LRRC7: variants seen among roughly 807,000 people sequenced by gnomAD.
LRRC7 encodes the protein leucine rich repeat containing 7.
A neutral mutation model predicts 175.7 loss-of-function variants in LRRC7; 23 were observed. The observed-to-expected ratio is 0.13, with a 90% CI of 0.09 to 0.19. The LOEUF (loss-of-function observed/expected upper bound fraction) is 0.19, where lower values mean the gene tolerates loss of function less well. Among genes scored for constraint, LRRC7 ranks in the 10% least tolerant of loss-of-function variants. The probability of loss-of-function intolerance (pLI) is 1.00; values close to 1 mark genes in which losing one functional copy is unlikely to be tolerated. For missense variants in LRRC7, 1,354 were observed against 1,904.7 expected (o/e 0.71, Z 5.38); for synonymous variants, 685 against 680.9 (o/e 1.01, Z -0.09).
intron 8 of LRRC7, among the ~76,000 whole-genome samples, chr1:69,960,302 G>T (rs1020847366): frequency 6.6e-6 from 1 of 152,032 alleles, no homozygotes; most frequent in African/African-American, 2.4e-5. Flanking sequence ...ATGGTTGTTT[G>T]TATTTCTGTG....
At chr1:69,798,352 A>G (rs1322591494) in intron 4 of LRRC7, among the ~76,000 whole-genome samples, 1 of 152,012 alleles carries the variant, frequency 6.6e-6, no homozygotes, top group Non-Finnish European at 1.5e-5. Flanking sequence ...TACCTGGTTC[A>G]ATCGTACTTA....
chr1:70,073,548 A>G (rs1332807541), intron 23 of LRRC7, among the ~76,000 whole-genome samples: 2 of 152,214 alleles, frequency 1.3e-5, no homozygotes, highest in Non-Finnish European at 2.9e-5. Flanking sequence ...CTAGTACTAC[A>G]ATACTCTAAT....
At chr1:69,620,551 A>T (rs1459765152) in intron 1 of LRRC7, among the ~76,000 whole-genome samples, 1 of 152,194 alleles carries the variant, frequency 6.6e-6, no homozygotes, top group Non-Finnish European at 1.5e-5. Context: ...CTTCAGTCAG[A>T]CAGCTACATC....
chr1:70,007,068 C>T (rs888853449), intron 11 of LRRC7, among the ~76,000 whole-genome samples: 1 of 152,074 alleles, frequency 6.6e-6, no homozygotes, highest in Non-Finnish European at 1.5e-5. Context: ...TGGATCACAT[C>T]ATTGCCCATT....
chr1:69,639,640 A>G (rs1277687196), intron 1 of LRRC7, among the ~76,000 whole-genome samples: 1 of 151,826 alleles, frequency 6.6e-6, no homozygotes, highest in Non-Finnish European at 1.5e-5. Context: ...TTAATGCTTT[A>G]GGAGTTAGAT....
At chr1:69,887,438 G>A (rs11209570) in intron 7 of LRRC7, among the ~76,000 whole-genome samples, 12,338 of 134,394 alleles carry the variant, frequency 0.092, 765 homozygotes, top group African/African-American at 0.2. Flanking sequence ...CATTCTTCAC[G>A]TAGTTCTCGA....
At chr1:70,068,787 G>A (rs1334869400) in intron 23 of LRRC7, among the ~76,000 whole-genome samples, 1 of 152,042 alleles carries the variant, frequency 6.6e-6, no homozygotes, top group Non-Finnish European at 1.5e-5. Flanking sequence ...TACAATCATA[G>A]CTCACTGTAC....
chr1:70,016,006 C>T (rs1335220598), intron 13 of LRRC7, among the ~76,000 whole-genome samples: 2 of 152,042 alleles, frequency 1.3e-5, no homozygotes, highest in Non-Finnish European at 2.9e-5. Flanking sequence ...TGCTTTGAAA[C>T]CAGATTGAGG....
rs1375255605 is a variant in LRRC7, at chr1:70,141,396, A to ATGAT, written c.*19510_*19513dup. 1 of 152,154 alleles carries ATGAT rather than the reference A, an allele frequency of 6.6e-6. No individual in the cohort carries two copies. Among genetic ancestry groups the ATGAT allele is most frequent in the Non-Finnish European group, 1.5e-5 (1 of 68,004 alleles). The allele number at this position is 152,154 out of a possible 1,614,324, so 9.4% of individuals were successfully genotyped here. Reference sequence around the variant, plus strand: ...TGCAAATAATGTTTCTCTTAATAAAATGATATATTTTGTTTTGAACTTTGG... The same window carrying ATGAT: ...TGCAAATAATGTTTCTCTTAATAAAATGATTGATATATTTTGTTTTGAACTTTGG... On this transcript the variant is annotated 3_prime_UTR_variant, in exon 27 of 27. Coordinates refer to ENST00000651989, the MANE Select transcript of LRRC7 (RefSeq NM_001370785.2).
intron 2 of LRRC7, among the ~76,000 whole-genome samples, chr1:69,723,650 G>C (rs1461212226): frequency 6.6e-6 from 1 of 151,940 alleles, no homozygotes; most frequent in Non-Finnish European, 1.5e-5. Flanking sequence ...AGTCCTTTTG[G>C]GTTGTTATAA....
chr1:69,823,846 C>T (rs549608210), intron 4 of LRRC7, among the ~76,000 whole-genome samples: 27 of 152,196 alleles, frequency 1.8e-4, no homozygotes, highest in Non-Finnish European at 2.9e-4. Context: ...TAAAACCATT[C>T]ATATAATCAC....
intron 2 of LRRC7, among the ~76,000 whole-genome samples, chr1:69,715,472 A>G (rs748357700): frequency 2.0e-5 from 3 of 152,064 alleles, no homozygotes; most frequent in Non-Finnish European, 4.4e-5. Flanking sequence ...TAATATGTTT[A>G]TCTCCATCAG....
chr1:70,112,609 CACAA>C (rs915136677), intron 26 of LRRC7, among the ~76,000 whole-genome samples: 6 of 152,098 alleles, frequency 3.9e-5, no homozygotes, highest in African/African-American at 1.4e-4. Context: ...GATGGCCACT[CACAA>C]ACAAAAGTAC....
chr1:70,117,158 CT>C (rs1232105184), intron 26 of LRRC7, among the ~76,000 whole-genome samples: 1 of 152,088 alleles, frequency 6.6e-6, no homozygotes, highest in African/African-American at 2.4e-5. Flanking sequence ...AAGCTGATTT[CT>C]TTTTTTGGAG....
At chr1:69,965,691 T>C (rs547272678) in intron 8 of LRRC7, among the ~76,000 whole-genome samples, 47 of 152,266 alleles carry the variant, frequency 3.1e-4, no homozygotes, top group African/African-American at 1.1e-3. Flanking sequence ...GTGAAATTAA[T>C]GTAAACTGAA....
intron 2 of LRRC7, among the ~76,000 whole-genome samples, chr1:69,712,561 C>T (rs893143524): frequency 7.2e-5 from 11 of 152,094 alleles, no homozygotes; most frequent in African/African-American, 1.9e-4. Context: ...GCCAAGATTG[C>T]GCCATTGCAC....
At chr1:69,808,856 G>A (rs1233213176) in intron 4 of LRRC7, among the ~76,000 whole-genome samples, 2 of 152,148 alleles carry the variant, frequency 1.3e-5, no homozygotes, top group African/African-American at 2.4e-5. Flanking sequence ...AAGAGAACTG[G>A]AGAAGCAAGA....
At chr1:69,767,890 C>T (rs1158157301) in intron 3 of LRRC7, among the ~76,000 whole-genome samples, 1 of 151,778 alleles carries the variant, frequency 6.6e-6, no homozygotes, top group Non-Finnish European at 1.5e-5. Flanking sequence ...CTGAGAGGTG[C>T]CAGAAAAAAA....
intron 9 of LRRC7, among the ~76,000 whole-genome samples, chr1:69,985,298 C>T (rs561728729): frequency 1.3e-5 from 2 of 152,222 alleles, no homozygotes; most frequent in East Asian, 3.9e-4. Flanking sequence ...TCAAAAAGGG[C>T]CATTGAATGA....
Sources: gnomAD v4.1 joint callset for allele counts (sites outside exome capture counted in the v4.1 genomes callset) on GRCh38, gnomAD v4.1.1 for gene constraint, MANE v1.5 for transcripts, NCBI Gene and HGNC (gene_info 2026-07-23, HGNC 2026-07-21) for gene names.